Variants in USP47 observed in about 807,000 individuals in gnomAD.
USP47 encodes the protein ubiquitin carboxyl-terminal hydrolase 47.
In USP47, 35 loss-of-function variants were observed where a neutral mutation model predicts 165.1. The observed-to-expected ratio is 0.21, with a 90% CI of 0.16 to 0.28. The LOEUF (loss-of-function observed/expected upper bound fraction) is 0.28, where lower values mean the gene tolerates loss of function less well. Among genes scored for constraint, USP47 ranks in the 10% least tolerant of loss-of-function variants. The pLI, the probability that USP47 is intolerant of heterozygous loss-of-function variation, is 1.00. For missense variants in USP47, 1,277 were observed against 1,607.4 expected, an observed-to-expected ratio of 0.79 and a Z score of 3.52; for synonymous variants, 531 against 544.5, an observed-to-expected ratio of 0.98 and a Z score of 0.35.
chr11:11,843,086 T>C (rs923064757), intron 1 of USP47, among the ~76,000 whole-genome samples: 1 of 152,176 alleles, frequency 6.6e-6, no homozygotes, highest in African/African-American at 2.4e-5. Flanking sequence ...ATCAGGCTAA[T>C]GCTTTGGATT....
chr11:11,882,214 A>G (rs1850877630), intron 2 of USP47, among the ~76,000 whole-genome samples: 1 of 152,178 alleles, frequency 6.6e-6, no homozygotes, highest in Non-Finnish European at 1.5e-5. Flanking sequence ...ATACTCTTAA[A>G]TCCCAGATAC....
chr11:11,865,210 A>G (rs999819281), intron 1 of USP47, among the ~76,000 whole-genome samples: 1 of 152,110 alleles, frequency 6.6e-6, no homozygotes, highest in Non-Finnish European at 1.5e-5. Flanking sequence ...AAATTTGGGA[A>G]GTTTTCAGCA....
chr11:11,949,823 A>T, intron 22 of USP47, 66 bp from the exon 23 acceptor site: 2 of 1,035,762 alleles, frequency 1.9e-6, no homozygotes, highest in Non-Finnish European at 2.8e-6. Context: ...TTTTTATTTT[A>T]ATGTGTTAAT....
At chr11:11,919,639 A>G (rs4444076) in intron 8 of USP47, among the ~76,000 whole-genome samples, 32,801 of 151,760 alleles carry the variant, frequency 0.22, 4,283 homozygotes, top group Non-Finnish European at 0.29. Flanking sequence ...GTGTTTTTCA[A>G]TCTTTATAAC....
intron 20 of USP47, among the ~76,000 whole-genome samples, chr11:11,945,829 G>A (rs182649414): frequency 2.0e-4 from 31 of 151,768 alleles, no homozygotes; most frequent in East Asian, 3.9e-4. Context: ...TAGCTACTTC[G>A]GAGGCTGAGG....
At chr11:11,882,315 G>A (rs1396198885) in intron 2 of USP47, among the ~76,000 whole-genome samples, 1 of 152,144 alleles carries the variant, frequency 6.6e-6, no homozygotes. Context: ...GAAGTTGAAT[G>A]TGTATCCCTA....
At chr11:11,943,549 T>G (rs1484427180) in intron 20 of USP47, 1 of 152,236 alleles carries the variant, frequency 6.6e-6, no homozygotes. Context: ...AAGTCCTTAA[T>G]CAACTGGGAA....
rs1847271845 is a variant in USP47, at chr11:11,957,759, T to C, written c.*1584T>C. Reference sequence around the variant, plus strand: ...TTTTTTCTTATAAGAAAGATAAAATTAGAAAATACTGTTAGCAAATGTGGC... The same window carrying C: ...TTTTTTCTTATAAGAAAGATAAAATCAGAAAATACTGTTAGCAAATGTGGC... On this transcript the variant is annotated 3_prime_UTR_variant, in exon 28 of 28. Coordinates refer to ENST00000527733, the MANE Select transcript of USP47 (RefSeq NM_001282659.2). 6.6e-6 allele frequency: 1 copy of C among 152,132 alleles called. No individual in the cohort carries two copies. Among genetic ancestry groups the C allele is most frequent in the Non-Finnish European group, 1.5e-5 (1 of 68,020 alleles). 9.4% of individuals were successfully genotyped at this position (152,132 alleles called of 1,614,324 possible). A position where few individuals can be genotyped will look rare whatever the true frequency, so the allele number is the denominator to read the frequency against.
intron 3 of USP47, among the ~76,000 whole-genome samples, chr11:11,887,926 A>C (rs1260458037): frequency 1.3e-5 from 2 of 152,176 alleles, no homozygotes; most frequent in African/African-American, 4.8e-5. Context: ...TCAAAACCAC[A>C]TGACTACAAA....
intron 2 of USP47, among the ~76,000 whole-genome samples, chr11:11,881,746 A>G (rs1420985838): frequency 6.6e-6 from 1 of 152,154 alleles, no homozygotes; most frequent in African/African-American, 2.4e-5. Flanking sequence ...AATTATTAAA[A>G]AAATTTCTAG....
chr11:11,929,926 A>G (rs1021217371), intron 12 of USP47, 118 bp from the exon 13 acceptor site: 2 of 809,630 alleles, frequency 2.5e-6, no homozygotes, highest in African/African-American at 1.7e-5. Flanking sequence ...TAGCTGTGTG[A>G]GCAATCATGA....
intron 8 of USP47, among the ~76,000 whole-genome samples, chr11:11,908,817 C>A (rs1425931766): frequency 1.3e-5 from 2 of 152,126 alleles, no homozygotes; most frequent in African/African-American, 4.8e-5. Flanking sequence ...TTGAAAGGCT[C>A]TTCTGCCATT....
At position 11,880,206 on chromosome 11, in the gene USP47, C is replaced by CT. The variant is rs1466068231; in HGVS notation, c.71dup (p.Leu24PhefsTer9). On this transcript the variant is annotated frameshift_variant, in exon 2 of 28. Transcript: ENST00000527733. LOFTEE classifies it high-confidence loss of function. Reference sequence around the variant, plus strand: ...AAAATGCTGCTGAAGAACCTAGAGTCTTATGTATTATACAAGATACTACTA... The same window carrying CT: ...AAAATGCTGCTGAAGAACCTAGAGTCTTTATGTATTATACAAGATACTACTA... The CT allele has an allele frequency of 6.8e-7, 1 of 1,475,804 alleles. No individual in the cohort carries two copies. Among genetic ancestry groups the CT allele is most frequent in the Non-Finnish European group, 8.9e-7 (1 of 1,124,156 alleles). The allele number at this position is 1,475,804 out of a possible 1,614,324, so 91.4% of individuals were successfully genotyped here. A position where few individuals can be genotyped will look rare whatever the true frequency, so the allele number is the denominator to read the frequency against.
At chr11:11,854,765 T>C (rs894277141) in intron 1 of USP47, among the ~76,000 whole-genome samples, 3 of 147,544 alleles carry the variant, frequency 2.0e-5, no homozygotes, top group Non-Finnish European at 4.6e-5. Context: ...TTCTCTTATA[T>C]GATCAAGTAA....
chr11:11,884,502 C>G lies in USP47; in HGVS notation c.279C>G (p.Leu93=), dbSNP rs370547108. The G allele has an allele frequency of 8.7e-6, 14 of 1,611,538 alleles. No homozygotes were observed. The highest frequency in any genetic ancestry group is 4.5e-5 in the East Asian group (2 of 44,752). Residue 93 remains leucine (L), a synonymous_variant, in exon 3 of 28, where the codon CTC becomes CTG. Transcript: ENST00000527733. The stretch of plus-strand genomic sequence containing the variant: ...ATCATACCAGTGACAAGTCACTTCT[C>G]GACGCTAATTTTGAGCCAGGAAAGA... ...PLDHTSDKSL[L]DANFEPGKKN...
chr11:11,865,683 TTA>T (rs1341339352), intron 1 of USP47, among the ~76,000 whole-genome samples: 1 of 152,118 alleles, frequency 6.6e-6, no homozygotes, highest in Non-Finnish European at 1.5e-5. Flanking sequence ...TTTATTTTCC[TTA>T]TCTCTCTCTC....
intron 1 of USP47, among the ~76,000 whole-genome samples, chr11:11,861,388 A>T (rs1049767773): frequency 8.6e-5 from 13 of 151,988 alleles, no homozygotes; most frequent in African/African-American, 2.9e-4. Flanking sequence ...GAGCTACCAC[A>T]CCCGGCCCCA....
chr11:11,949,144 T>G (rs1856052226), intron 22 of USP47: 1 of 152,388 alleles, frequency 6.6e-6, no homozygotes. Context: ...GTTAAGTATC[T>G]TGGTCAAGGT....
intron 3 of USP47, among the ~76,000 whole-genome samples, chr11:11,891,464 A>G (rs562959091): frequency 6.6e-6 from 1 of 152,366 alleles, no homozygotes; most frequent in South Asian, 2.1e-4. Flanking sequence ...GATTAGTCTG[A>G]GTGACATTGA....
Sources: gnomAD v4.1 joint callset for allele counts (sites outside exome capture counted in the v4.1 genomes callset) on GRCh38, gnomAD v4.1.1 for gene constraint, MANE v1.5 for transcripts, NCBI Gene and HGNC (gene_info 2026-07-23, HGNC 2026-07-21) for gene names.